SOX5: variants seen among roughly 807,000 people sequenced by gnomAD.
SOX5 encodes SRY-box transcription factor 5, also known as transcription factor SOX-5.
Under a neutral mutation model 92.0 loss-of-function variants are expected in SOX5, and 9 were observed. The observed-to-expected ratio is 0.10, with a 90% CI of 0.06 to 0.17. The LOEUF (loss-of-function observed/expected upper bound fraction) is 0.17. SOX5 is among the 10% of genes least tolerant of loss of function. The pLI, the probability that SOX5 is intolerant of heterozygous loss-of-function variation, is 1.00. For missense variants in SOX5, 642 were observed against 944.5 expected, an observed-to-expected ratio of 0.68 and a Z score of 4.20; for synonymous variants, 344 against 336.3, an observed-to-expected ratio of 1.02 and a Z score of -0.25.
intron 6 of SOX5, among the ~76,000 whole-genome samples, chr12:23,672,598 C>T (rs2084977622): frequency 6.6e-6 from 1 of 152,078 alleles, no homozygotes; most frequent in African/African-American, 2.4e-5. Context: ...CAAACTACTA[C>T]TACAATAATA....
intron 1 of SOX5, among the ~76,000 whole-genome samples, chr12:24,450,085 T>G (rs1226877331): frequency 6.6e-6 from 1 of 152,232 alleles, no homozygotes; most frequent in Non-Finnish European, 1.5e-5. Context: ...GGAAGCTGGG[T>G]ATTATTATAA....
At chr12:24,490,880 T>C (rs1946995826) in intron 1 of SOX5, among the ~76,000 whole-genome samples, 1 of 152,116 alleles carries the variant, frequency 6.6e-6, no homozygotes, top group African/African-American at 2.4e-5. Context: ...ACCAGGCCTC[T>C]AAAACACATG....
chr12:24,543,474 A>G (rs3112133), intron 1 of SOX5, among the ~76,000 whole-genome samples: 86,047 of 152,118 alleles, frequency 0.57, 25,115 homozygotes, highest in Middle Eastern at 0.65. Context: ...ATCACTTGAC[A>G]TCAGGAGTTC....
At chr12:24,094,807 T>C (rs1203041877) in intron 4 of SOX5, among the ~76,000 whole-genome samples, 1 of 152,114 alleles carries the variant, frequency 6.6e-6, no homozygotes, top group East Asian at 1.9e-4. Context: ...ATTTCTGGAC[T>C]CTCAATTCTT....
At chr12:24,224,150 C>A (rs894385413) in intron 3 of SOX5, among the ~76,000 whole-genome samples, 4 of 152,150 alleles carry the variant, frequency 2.6e-5, no homozygotes, top group Admixed American at 2.6e-4. Context: ...TTGAGCCCGG[C>A]AACCCAGGAT....
At chr12:24,246,176 T>C (rs1020315375) in intron 3 of SOX5, among the ~76,000 whole-genome samples, 1 of 152,198 alleles carries the variant, frequency 6.6e-6, no homozygotes, top group Non-Finnish European at 1.5e-5. Context: ...TGTTTTCTTA[T>C]AAAATGTCTT....
chr12:23,536,463 A>G lies in SOX5; in HGVS notation c.1978T>C (p.Phe660Leu), dbSNP rs1940495196. 2 of 1,613,666 alleles carry G rather than the reference A, an allele frequency of 1.2e-6. No individual in the cohort carries two copies. The highest frequency in any genetic ancestry group is 1.7e-6 in the Non-Finnish European group (2 of 1,179,814). ...RNRRQEMRQY[F>L]NVGQQAQIPI... ...CTAAAAGGTACATACCCAACATTGAAGTACTGCCGCATTTCCTGCCGCCTG... is the reference window on the plus strand; with the variant it reads ...CTAAAAGGTACATACCCAACATTGAGGTACTGCCGCATTTCCTGCCGCCTG... Residue 660 changes from phenylalanine (F) to leucine (L), a missense_variant, in exon 14 of 15, where the codon TTC becomes CTC. By Grantham distance (22) the Phe-to-Leu change is conservative (BLOSUM62 0). Transcript: ENST00000451604.
At chr12:23,982,281 C>T (rs1211082202) in intron 4 of SOX5, among the ~76,000 whole-genome samples, 2 of 152,174 alleles carry the variant, frequency 1.3e-5, no homozygotes, top group East Asian at 3.9e-4. Flanking sequence ...AGAATAGATG[C>T]CAGGTCTACC....
intron 1 of SOX5, among the ~76,000 whole-genome samples, chr12:23,945,165 AG>A (rs1317424197): frequency 6.6e-6 from 1 of 152,136 alleles, no homozygotes; most frequent in Non-Finnish European, 1.5e-5. Context: ...ATGCATTAGG[AG>A]TATAATCCAT....
At chr12:24,188,736 C>T (rs1956245933) in intron 4 of SOX5, among the ~76,000 whole-genome samples, 1 of 152,098 alleles carries the variant, frequency 6.6e-6, no homozygotes, top group Admixed American at 6.5e-5. Context: ...TTCAGGGAAC[C>T]ATTTCTGAGC....
chr12:24,205,932 T>A (rs1957975913), intron 4 of SOX5, among the ~76,000 whole-genome samples: 1 of 152,188 alleles, frequency 6.6e-6, no homozygotes, highest in African/African-American at 2.4e-5. Context: ...GCCCTCCTGC[T>A]CTAATCTGTG....
At chr12:24,274,695 G>A (rs1166373765) in intron 3 of SOX5, among the ~76,000 whole-genome samples, 1 of 149,664 alleles carries the variant, frequency 6.7e-6, no homozygotes, top group Non-Finnish European at 1.5e-5. Flanking sequence ...AGCTTTCACT[G>A]TCATCTCCAC....
chr12:23,832,159 T>C (rs1444907479), intron 3 of SOX5, among the ~76,000 whole-genome samples: 2 of 152,014 alleles, frequency 1.3e-5, no homozygotes, highest in Non-Finnish European at 1.5e-5. Context: ...GAAACAGAAA[T>C]ATCACAAATC....
At chr12:23,636,675 G>A (rs2079289979) in intron 8 of SOX5, among the ~76,000 whole-genome samples, 1 of 152,154 alleles carries the variant, frequency 6.6e-6, no homozygotes, top group African/African-American at 2.4e-5. Context: ...AGAGTCCGAA[G>A]TAGACAGCTG....
At chr12:24,389,734 T>C (rs901250765) in intron 1 of SOX5, among the ~76,000 whole-genome samples, 11 of 152,206 alleles carry the variant, frequency 7.2e-5, no homozygotes, top group Non-Finnish European at 1.5e-4. Context: ...CTTGGGTGGA[T>C]ACCTAGGAAT....
intron 1 of SOX5, among the ~76,000 whole-genome samples, chr12:24,450,470 T>TTTTATTTA (rs75555397): frequency 0.068 from 9,971 of 145,744 alleles, 438 homozygotes; most frequent in Non-Finnish European, 0.094. Context: ...TGTGTATTTA[T>TTTTATTTA]TTTATTTATT....
chr12:23,604,371 T>G lies in SOX5; in HGVS notation c.1164+16A>C, dbSNP rs1376865816. 3 of 1,613,122 alleles carry G rather than the reference T, an allele frequency of 1.9e-6. No homozygotes were observed. In the African/African-American group the frequency reaches 4.0e-5, roughly 22 times the overall value. Reference sequence around the variant, plus strand: ...TAAAGCTAAGTGGCAAGACAGTGGCTTCTTCAAAAGGGTACCTTGCTTTTG... The same window carrying G: ...TAAAGCTAAGTGGCAAGACAGTGGCGTCTTCAAAAGGGTACCTTGCTTTTG... On this transcript the variant is annotated intron_variant, in intron 9 of 14. Coordinates refer to ENST00000451604, the MANE Select transcript of SOX5 (RefSeq NM_006940.6).
intron 10 of SOX5, among the ~76,000 whole-genome samples, chr12:23,563,968 T>C (rs542906462): frequency 6.6e-6 from 1 of 152,246 alleles, no homozygotes; most frequent in Non-Finnish European, 1.5e-5. Flanking sequence ...AAACCACAGG[T>C]GGCAGTGGTT....
At chr12:23,829,744 G>A (rs1196207622) in intron 3 of SOX5, among the ~76,000 whole-genome samples, 1 of 152,004 alleles carries the variant, frequency 6.6e-6, no homozygotes, top group Admixed American at 6.6e-5. Flanking sequence ...GTATCAGCAG[G>A]AATCAAATAG....
Sources: gnomAD v4.1 joint callset for allele counts (sites outside exome capture counted in the v4.1 genomes callset) on GRCh38, gnomAD v4.1.1 for gene constraint, MANE v1.5 for transcripts, NCBI Gene and HGNC (gene_info 2026-07-23, HGNC 2026-07-21) for gene names.